The following POLE variants were observed in gnomAD, a reference collection of about 807,000 sequenced individuals.
The protein encoded by POLE is DNA polymerase epsilon catalytic subunit A.
Under a neutral mutation model 279.2 loss-of-function variants are expected in POLE, and 188 were observed. The ratio of observed to expected loss-of-function variants is 0.67; its 90% CI spans 0.60 to 0.76. The LOEUF is 0.76. Ranked by LOEUF, POLE falls within the 30% of genes least tolerant of loss-of-function variation. The probability of loss-of-function intolerance (pLI) is 0.00; values close to 1 mark genes in which losing one functional copy is unlikely to be tolerated. For missense variants in POLE, 2,703 were observed against 3,016.7 expected, an observed-to-expected ratio of 0.90 and a Z score of 2.44; for synonymous variants, 1,214 against 1,172.5, an observed-to-expected ratio of 1.04 and a Z score of -0.72.
chr12:132,685,964 C>A (rs540812675), intron 1 of POLE, among the ~76,000 whole-genome samples: 1 of 152,162 alleles, frequency 6.6e-6, no homozygotes. Flanking sequence ...CAACCTCCGC[C>A]TGCCGCGTTC....
At position 132,658,254 on chromosome 12, in the gene POLE, A is replaced by C. The variant is rs138442054; in HGVS notation, c.3276-284T>G. The C allele has an allele frequency of 9.7e-4, 331 of 340,160 alleles. 2 individuals are homozygous for C. The highest frequency in any genetic ancestry group is 6.6e-3 in the African/African-American group (308 of 46,928). The allele number at this position is 340,160 out of a possible 1,614,324, so 21.1% of individuals were successfully genotyped here. A position where few individuals can be genotyped will look rare whatever the true frequency, so the allele number is the denominator to read the frequency against. On this transcript the variant is annotated intron_variant, in intron 26 of 48. Coordinates refer to ENST00000320574, the MANE Select transcript of POLE (RefSeq NM_006231.4). ...TATACATAAACACATGCGTGTGCGT[A>C]GACATGTCTGCGTTTCTCATTGAGT...
Position 132,642,722 on chromosome 12 carries a change from C to T in POLE, c.4736G>A (p.Arg1579His), listed in dbSNP as rs375590443. The change falls in exon 37 of 49, where the codon CGC (arginine) becomes CAC (histidine). Residue 1579 changes from arginine to histidine, a missense_variant. Arg to His is a conservative substitution (Grantham distance 29). Transcript: ENST00000320574. Reference protein sequence around the residue: ...QRFLLAYKEERRGPTLIAVQS... With the variant: ...QRFLLAYKEEHRGPTLIAVQS... ...AACAGCGATGAGTGTGGGCCCCCGG[C>T]GCTCCTCCTGGGTCAAGGCAAAATG... 1.8e-4 allele frequency: 284 copies of T among 1,613,352 alleles called. 1 individual carries two copies. Among genetic ancestry groups the T allele is most frequent in the Non-Finnish European group, 2.3e-4 (270 of 1,179,692 alleles).
chr12:132,672,045 T>A (rs982306528), intron 16 of POLE, among the ~76,000 whole-genome samples, 170 bp downstream of exon 16: 4 of 152,146 alleles, frequency 2.6e-5, no homozygotes, highest in African/African-American at 9.7e-5. Context: ...TCCGACCTTG[T>A]GACAGCATCA....
intron 32 of POLE, among the ~76,000 whole-genome samples, chr12:132,646,421 C>T (rs1046691366): frequency 4.6e-5 from 7 of 151,916 alleles, no homozygotes; most frequent in Admixed American, 1.3e-4. Context: ...TACAGTAAGT[C>T]CTCACTTAAC....
At position 132,634,481 on chromosome 12, in the gene POLE, G is replaced by T; in HGVS notation, c.5812-103C>A. 8.7e-7 allele frequency: 1 copy of T among 1,150,846 alleles called. No homozygotes were observed. The highest frequency in any genetic ancestry group is 1.3e-6 in the Non-Finnish European group (1 of 796,302). 71.3% of individuals were successfully genotyped at this position (1,150,846 alleles called of 1,614,324 possible). On this transcript the variant is annotated intron_variant, in intron 42 of 48. Transcript: ENST00000320574. The surrounding 1 kb of genome is among the most constrained non-coding windows in gnomAD (Gnocchi z 4.0). ...CCTCCAACCTGGGTCCATCTGCCCC[G>T]TTTGACCAGAGGCCTTCCTCGCAGT...
rs1232410975 is a variant in POLE at position 132,661,770 on chromosome 12, G to A, written c.2707-86C>T. 6 of 1,376,728 alleles carry A rather than the reference G, an allele frequency of 4.4e-6. No individual in the cohort carries two copies. Among genetic ancestry groups the A allele is most frequent in the Non-Finnish European group, 6.0e-6 (6 of 1,002,224 alleles). The allele number at this position is 1,376,728 out of a possible 1,614,324, so 85.3% of individuals were successfully genotyped here. ...CCTGGTGTCCCTCCAGGAGTGGATG[G>A]ATTGACAAACCGAGGCTTTTCCACA... is the stretch of plus-strand genomic sequence containing the variant. On this transcript the variant is annotated intron_variant, in intron 23 of 48. Transcript: ENST00000320574. The surrounding 1 kb of genome is among the most constrained non-coding windows in gnomAD (Gnocchi z 4.1).
At position 132,642,595 on chromosome 12, in the gene POLE, G is replaced by A. The variant is rs1057522227; in HGVS notation, c.4863C>T (p.Val1621=). 1 of 1,613,554 alleles carries A rather than the reference G, an allele frequency of 6.2e-7. No homozygotes were observed. Among genetic ancestry groups the A allele is most frequent in the South Asian group, 1.1e-5 (1 of 91,080 alleles). Residue 1621 remains valine, a synonymous_variant, in exon 37 of 49, where the codon GTC becomes GTT. Coordinates refer to ENST00000320574, the MANE Select transcript of POLE (RefSeq NM_006231.4). The part of the protein sequence containing the change: ...ICVADKINYG[V]LDWQRHGARR... ...GGGCTCCATGGCGCTGCCAGTCCAGGACCCCATAGTTGATCTTGTCAGCCA... is the reference window on the plus strand; with the variant it reads ...GGGCTCCATGGCGCTGCCAGTCCAGAACCCCATAGTTGATCTTGTCAGCCA...
At chr12:132,660,168 G>A (rs1490569536) in intron 25 of POLE, 3 of 156,286 alleles carry the variant, frequency 1.9e-5, no homozygotes, top group African/African-American at 7.2e-5. Context: ...GCCGGCTGGA[G>A]AGTGGCCTGA....
rs2138615576 is a variant in POLE, at chr12:132,649,873, G to T, written c.3599C>A (p.Ala1200Asp). 1 of 1,613,988 alleles carries T rather than the reference G, an allele frequency of 6.2e-7. No individual in the cohort carries two copies. Among genetic ancestry groups the T allele is most frequent in the Non-Finnish European group, 8.5e-7 (1 of 1,180,004 alleles). ...ACTTGGCCTCGGACTGTCTTCTGAG[G>T]CCTCGGCCATCGTGACCTGGAAAGA... ...EGRRQVTMAEASEDSPRPSAP... is the reference protein window; with the variant it reads ...EGRRQVTMAEDSEDSPRPSAP... Residue 1200 changes from alanine to aspartate, a missense_variant, in exon 30 of 49, where the codon GCC becomes GAC. Physicochemically the swap from Ala to Asp is moderately radical, Grantham distance 126 (BLOSUM62 -2). This residue lies in a region of POLE where 1,551 missense variants were observed against 1,686.1 expected (regional missense o/e 0.92). Coordinates refer to ENST00000320574, the MANE Select transcript of POLE (RefSeq NM_006231.4).
At chr12:132,667,197 G>T (rs1355385173) in intron 20 of POLE, among the ~76,000 whole-genome samples, 1 of 152,142 alleles carries the variant, frequency 6.6e-6, no homozygotes, top group African/African-American at 2.4e-5. Context: ...AATAGGCGAA[G>T]GCAGTTGGGT....
At chr12:132,681,646 G>A (rs1022241462) in intron 1 of POLE, among the ~76,000 whole-genome samples, 2 of 152,108 alleles carry the variant, frequency 1.3e-5, no homozygotes, top group Non-Finnish European at 2.9e-5. Flanking sequence ...GGATATGACA[G>A]GGTATATATA....
intron 26 of POLE, chr12:132,658,349 AC>A (rs1347090987): frequency 4.8e-6 from 1 of 209,772 alleles, no homozygotes; most frequent in East Asian, 1.4e-4. Flanking sequence ...TCACGGCATA[AC>A]CATGTGCATG....
In POLE at chr12:132,634,128, A is replaced by T; in HGVS notation, c.6004+58T>A. ...TGCGATACCATGGCACAGGAGCCAC[A>T]TCTACTAACCATGAGTCCCTTCAGT... On this transcript the variant is annotated intron_variant, in intron 43 of 48. Coordinates refer to ENST00000320574, the MANE Select transcript of POLE (RefSeq NM_006231.4). The surrounding 1 kb of genome is among the most constrained non-coding windows in gnomAD (Gnocchi z 4.0). 1 of 1,439,704 alleles carries T rather than the reference A, an allele frequency of 6.9e-7. No homozygotes were observed. Among genetic ancestry groups the T allele is most frequent in the Non-Finnish European group, 9.5e-7 (1 of 1,047,338 alleles). The allele number at this position is 1,439,704 out of a possible 1,614,324, so 89.2% of individuals were successfully genotyped here.
chr12:132,673,486 G>A (rs960554749), intron 13 of POLE, 89 bp downstream of exon 13: 59 of 1,552,816 alleles, frequency 3.8e-5, no homozygotes, highest in Non-Finnish European at 4.5e-5. Flanking sequence ...AGGGGGAGCC[G>A]GGATGTGGCT....
At chr12:132,647,967 T>C (rs752106600) in intron 32 of POLE, among the ~76,000 whole-genome samples, 7 of 152,104 alleles carry the variant, frequency 4.6e-5, no homozygotes, top group Non-Finnish European at 1.0e-4. Flanking sequence ...TTTCACCTTC[T>C]CCAGAAAACC....
Position 132,661,464 on chromosome 12 carries a change from G to T in POLE, c.2864+63C>A, listed in dbSNP as rs2042679542. On this transcript the variant is annotated intron_variant, in intron 24 of 48. Coordinates refer to ENST00000320574, the MANE Select transcript of POLE (RefSeq NM_006231.4). The surrounding 1 kb of genome is among the most constrained non-coding windows in gnomAD (Gnocchi z 4.1). ...GGCTCCTGATCCAACCTCCTTTCTG[G>T]GCTAAATTTAATCTATCTCAATCCA... 2.6e-6 allele frequency: 4 copies of T among 1,554,088 alleles called. No homozygotes were observed. The highest frequency in any genetic ancestry group is 2.2e-5 in the East Asian group (1 of 44,474).
chr12:132,624,477 G>A lies in POLE; in HGVS notation c.*220C>T. On this transcript the variant is annotated 3_prime_UTR_variant, in exon 49 of 49. Transcript: ENST00000320574. ...TCGCTCACGGCCTGCTTCTTCAGGT[G>A]CTCTGGCGAGGCCAGGGCCACATCC... 1.7e-6 allele frequency: 1 copy of A among 589,714 alleles called. No individual in the cohort carries two copies. The highest frequency in any genetic ancestry group is 2.8e-5 in the East Asian group (1 of 35,700). The allele number at this position is 589,714 out of a possible 1,614,324, so 36.5% of individuals were successfully genotyped here.
rs1188949540 is a variant in POLE, at chr12:132,675,504, C to A, written c.1120G>T (p.Ala374Ser). The A allele has an allele frequency of 6.2e-7, 1 of 1,614,072 alleles. No individual in the cohort carries two copies. ...GDFFDWPFVE[A>S]RAAVHGLSMQ... ...CTCAGACCGTGGACTGCTGCCCGGG[C>A]CTCCACAAATGGCCTGGGTTGGAAA... The change falls in exon 12 of 49, where the codon GCC becomes TCC. Residue 374 changes from alanine (A) to serine (S), a missense_variant. Physicochemically the swap from Ala to Ser is moderately conservative, Grantham distance 99 (BLOSUM62 1). This residue lies in a region of POLE where 1,011 missense variants were observed against 1,111.7 expected (regional missense o/e 0.91). Coordinates refer to ENST00000320574, the MANE Select transcript of POLE (RefSeq NM_006231.4). This position sits in a 1 kb window ranked among gnomAD's most constrained non-coding sequence, Gnocchi z 4.3.
chr12:132,663,774 T>A (rs2042728735), intron 23 of POLE, among the ~76,000 whole-genome samples: 1 of 152,220 alleles, frequency 6.6e-6, no homozygotes, highest in South Asian at 2.1e-4. Context: ...AAGTTTAAAA[T>A]TATTTCAAAA....
Sources: gnomAD v4.1 joint callset for allele counts (sites outside exome capture counted in the v4.1 genomes callset) on GRCh38, gnomAD v4.1.1 for gene constraint, gnomAD v4.1.1 regional missense constraint, Gnocchi (gnomAD v3.1) non-coding constraint, MANE v1.5 for transcripts, NCBI Gene and HGNC (gene_info 2026-07-23, HGNC 2026-07-21) for gene names.